Variants in PACRG observed in about 807,000 individuals in gnomAD.
The protein encoded by PACRG is parkin coregulated gene protein.
A neutral mutation model predicts 29.7 loss-of-function variants in PACRG; 29 were observed. The ratio of observed to expected loss-of-function variants is 0.98; its 90% CI spans 0.73 to 1.33. The LOEUF (loss-of-function observed/expected upper bound fraction) is 1.33. Ranked by LOEUF, PACRG falls within the 40% of genes most tolerant of loss-of-function variation. The pLI is 0.00. For missense variants in PACRG, 279 were observed against 316.2 expected (o/e 0.88, Z 0.89); for synonymous variants, 116 against 118.7 (o/e 0.98, Z 0.15).
chr6:163,214,425 A>G (rs1781281019), intron 4 of PACRG, among the ~76,000 whole-genome samples: 1 of 152,080 alleles, frequency 6.6e-6, no homozygotes, highest in Non-Finnish European at 1.5e-5. Flanking sequence ...GTCACATTGA[A>G]TTTACAGAAC....
intron 1 of PACRG, among the ~76,000 whole-genome samples, chr6:162,730,163 A>G (rs1584154717): frequency 6.6e-6 from 1 of 152,078 alleles, no homozygotes; most frequent in South Asian, 2.1e-4. Context: ...AGGAAAACCA[A>G]AATAACAACA....
At chr6:163,224,194 C>T (rs1253637810) in intron 4 of PACRG, among the ~76,000 whole-genome samples, 1 of 151,494 alleles carries the variant, frequency 6.6e-6, no homozygotes, top group African/African-American at 2.4e-5. Context: ...TATGGCACAA[C>T]CCCATCTCTA....
chr6:162,792,977 G>T (rs959892874), intron 1 of PACRG, among the ~76,000 whole-genome samples: 1 of 152,186 alleles, frequency 6.6e-6, no homozygotes, highest in African/African-American at 2.4e-5. Context: ...GGTTGGCCAT[G>T]AGTATAGGAG....
chr6:163,257,916 A>C (rs1783178845), intron 4 of PACRG, among the ~76,000 whole-genome samples: 1 of 152,198 alleles, frequency 6.6e-6, no homozygotes, highest in Non-Finnish European at 1.5e-5. Flanking sequence ...TTTTAGATCT[A>C]GTACTTTATT....
At chr6:162,727,340 G>C, upstream of PACRG, 1 of 408,078 alleles carries the variant, frequency 2.5e-6, no homozygotes, top group South Asian at 3.8e-5. Context: ...GCGGGGAGAA[G>C]GCTTCGGGAC....
intron 4 of PACRG, among the ~76,000 whole-genome samples, chr6:163,130,809 G>A (rs1654817937): frequency 6.6e-6 from 1 of 152,166 alleles, no homozygotes; most frequent in African/African-American, 2.4e-5. Context: ...ATCTGGCCCA[G>A]GAGCAGTTAG....
intron 4 of PACRG, among the ~76,000 whole-genome samples, chr6:163,209,710 A>G (rs994336535): frequency 3.9e-5 from 6 of 152,244 alleles, no homozygotes; most frequent in African/African-American, 1.4e-4. Context: ...AAGACAACAT[A>G]TCCAAGCCAT....
chr6:162,742,406 G>A (rs547509442), intron 1 of PACRG, among the ~76,000 whole-genome samples: 12 of 152,252 alleles, frequency 7.9e-5, no homozygotes, highest in East Asian at 1.9e-4. Flanking sequence ...CTTCAGTCAC[G>A]TGGAACTGTG....
chr6:163,261,462 T>C (rs1783323266), intron 4 of PACRG, among the ~76,000 whole-genome samples: 2 of 151,962 alleles, frequency 1.3e-5, no homozygotes, highest in South Asian at 4.1e-4. Flanking sequence ...AGATTTTCAC[T>C]CTCCCTCATA....
At chr6:163,308,276 A>C (rs575265156) in intron 4 of PACRG, among the ~76,000 whole-genome samples, 7 of 152,340 alleles carry the variant, frequency 4.6e-5, no homozygotes, top group Middle Eastern at 3.4e-3. Flanking sequence ...TTTCACTAAA[A>C]TTGACATTTC....
At chr6:162,947,621 T>TAATC (rs1447230395) in intron 2 of PACRG, among the ~76,000 whole-genome samples, 53 of 47,930 alleles carry the variant, frequency 1.1e-3, no homozygotes, top group Middle Eastern at 0.021. Flanking sequence ...CATATATATA[T>TAATC]ATATATATAT....
At chr6:162,772,788 A>G (rs887041882) in intron 1 of PACRG, among the ~76,000 whole-genome samples, 5 of 152,234 alleles carry the variant, frequency 3.3e-5, no homozygotes, top group African/African-American at 1.2e-4. Context: ...AAATTCCAAA[A>G]GAGGTGGCAG....
intron 4 of PACRG, among the ~76,000 whole-genome samples, chr6:163,301,647 G>A (rs1785006449): frequency 6.6e-6 from 1 of 152,044 alleles, no homozygotes; most frequent in Non-Finnish European, 1.5e-5. Flanking sequence ...AAACAGTAAA[G>A]CAAAAAACAC....
chr6:163,007,785 A>C (rs1374502274), intron 2 of PACRG, among the ~76,000 whole-genome samples: 4 of 152,106 alleles, frequency 2.6e-5, no homozygotes, highest in Admixed American at 6.6e-5. Flanking sequence ...CAGAGGTGGG[A>C]TCTCTGGGCT....
At chr6:162,908,114 T>C (rs1796058202) in intron 2 of PACRG, among the ~76,000 whole-genome samples, 1 of 152,222 alleles carries the variant, frequency 6.6e-6, no homozygotes, top group South Asian at 2.1e-4. Flanking sequence ...TTTTAAGTCA[T>C]AGGCATATAT....
At position 162,775,177 on chromosome 6, in the gene PACRG, A is replaced by T. The variant is rs548121667; in HGVS notation, c.157-38970A>T. ...ACCCAGTGAGAAGGTATAACATATGAACCAGAAAGTGGACCCGCAGCAGAC... is the reference window on the plus strand; with the variant it reads ...ACCCAGTGAGAAGGTATAACATATGTACCAGAAAGTGGACCCGCAGCAGAC... On this transcript the variant is annotated intron_variant, in intron 1 of 4. Transcript: ENST00000366888. Among the ~76,000 whole-genome samples, 54 of 152,316 alleles carry T rather than the reference A, an allele frequency of 3.5e-4. 1 individual carries two copies. The highest frequency in any genetic ancestry group is 1.0e-3 in the African/African-American group (42 of 41,582).
chr6:163,099,801 C>T (rs758248571), intron 4 of PACRG, among the ~76,000 whole-genome samples: 1 of 152,154 alleles, frequency 6.6e-6, no homozygotes, highest in African/African-American at 2.4e-5. Context: ...GGAGCCTTTC[C>T]GTGCCACTGC....
In PACRG at chr6:163,130,572, C is replaced by A. The variant is rs113407551; in HGVS notation, c.613+41164C>A. 2.1e-4 allele frequency among the ~76,000 whole-genome samples: 32 copies of A among 152,312 alleles called. 1 individual carries two copies. The highest frequency in any genetic ancestry group is 7.7e-4 in the African/African-American group (32 of 41,570). ...ACCTCCACCACTTTTCTGTGCAAAA[C>A]CCTTCAATGACCCTGCACAATAATG... On this transcript the variant is annotated intron_variant, in intron 4 of 4. Coordinates refer to ENST00000366888, the MANE Select transcript of PACRG (RefSeq NM_001080379.2).
chr6:162,827,267 A>C lies in PACRG; in HGVS notation c.291+12986A>C, dbSNP rs1415479891. ...CTAGCTTTTTCTGTTGGTGTGGGCTATAATTTCAACACTGCATTATTCTAA... is the reference window on the plus strand; with the variant it reads ...CTAGCTTTTTCTGTTGGTGTGGGCTCTAATTTCAACACTGCATTATTCTAA... On this transcript the variant is annotated intron_variant, in intron 2 of 4. Transcript: ENST00000366888. 2.0e-5 allele frequency among the ~76,000 whole-genome samples: 3 copies of C among 152,216 alleles called. No homozygotes were observed. The South Asian group carries it at 6.2e-4, about 31-fold the overall frequency.
Sources: allele counts gnomAD v4.1 joint callset (sites outside exome capture counted in the v4.1 genomes callset), GRCh38; gene constraint gnomAD v4.1.1; transcripts MANE v1.5; gene names NCBI Gene and HGNC (gene_info 2026-07-23, HGNC 2026-07-21).